The following DGKB variants were observed in gnomAD, a reference collection of about 807,000 sequenced individuals.
The protein encoded by DGKB is 90 kDa diacylglycerol kinase.
DGKB carries 67 observed loss-of-function variants against 114.3 expected under a neutral mutation model. That is an observed-to-expected ratio of 0.59 (90% CI 0.48 to 0.72). The LOEUF is 0.72. Among genes scored for constraint, DGKB ranks in the 30% least tolerant of loss-of-function variants. DGKB has a pLI of 0.00. For synonymous variants in DGKB, 398 were observed against 323.1 expected (o/e 1.23, Z -2.49); for missense variants, 907 against 975.2 (o/e 0.93, Z 0.93).
chr7:14,764,934 A>C (rs1292270382), intron 2 of DGKB, among the ~76,000 whole-genome samples: 2 of 151,988 alleles, frequency 1.3e-5, no homozygotes, highest in African/African-American at 2.4e-5. Context: ...CCAGCAGCAG[A>C]AAATAAATAC....
At chr7:14,826,105 C>T (rs1845678013) in intron 2 of DGKB, among the ~76,000 whole-genome samples, 1 of 152,164 alleles carries the variant, frequency 6.6e-6, no homozygotes, top group Admixed American at 6.6e-5. Context: ...GTTAAACTTG[C>T]AGTGAAAGTG....
At chr7:14,165,670 G>A (rs906726622) in intron 25 of DGKB, among the ~76,000 whole-genome samples, 1 of 152,140 alleles carries the variant, frequency 6.6e-6, no homozygotes, top group Non-Finnish European at 1.5e-5. Context: ...TATATATTAT[G>A]TGAAGTGCTC....
intron 1 of DGKB, among the ~76,000 whole-genome samples, chr7:14,949,499 G>T (rs1028353255): frequency 1.3e-5 from 2 of 151,948 alleles, no homozygotes; most frequent in Admixed American, 6.6e-5. Flanking sequence ...ATTAACACAT[G>T]CTCAGAGAAA....
At chr7:14,170,284 T>A (rs1427845275) in intron 25 of DGKB, among the ~76,000 whole-genome samples, 4 of 152,202 alleles carry the variant, frequency 2.6e-5, no homozygotes, top group African/African-American at 9.6e-5. Flanking sequence ...GGCCTATTTC[T>A]GCCTTTTGCT....
intron 23 of DGKB, among the ~76,000 whole-genome samples, chr7:14,238,971 CTT>C (rs1020331418): frequency 1.3e-5 from 2 of 151,936 alleles, no homozygotes; most frequent in Non-Finnish European, 2.9e-5. Flanking sequence ...TGAAGAAGGA[CTT>C]TGTTTTGTCA....
At chr7:14,272,433 A>G (rs749923043) in intron 23 of DGKB, among the ~76,000 whole-genome samples, 28 of 152,226 alleles carry the variant, frequency 1.8e-4, no homozygotes, top group Non-Finnish European at 7.3e-5. Context: ...GCATTTTATA[A>G]ATCTTTATAG....
chr7:14,714,562 G>A (rs760526813), intron 6 of DGKB, among the ~76,000 whole-genome samples: 25 of 152,052 alleles, frequency 1.6e-4, no homozygotes, highest in Non-Finnish European at 3.2e-4. Context: ...TAAGATGAAA[G>A]GAAGTTGCAA....
chr7:14,367,704 G>A (rs1180405228), intron 21 of DGKB, among the ~76,000 whole-genome samples: 1 of 152,024 alleles, frequency 6.6e-6, no homozygotes, highest in Non-Finnish European at 1.5e-5. Context: ...AAAGGAAAGA[G>A]GTTTAATGGA....
chr7:14,683,930 C>T (rs1821253124), intron 10 of DGKB, among the ~76,000 whole-genome samples: 1 of 152,098 alleles, frequency 6.6e-6, no homozygotes, highest in African/African-American at 2.4e-5. Context: ...TATAATATCA[C>T]TCATCTTATT....
At chr7:14,157,332 G>C (rs938835510) in intron 25 of DGKB, among the ~76,000 whole-genome samples, 2 of 150,438 alleles carry the variant, frequency 1.3e-5, no homozygotes, top group African/African-American at 4.9e-5. Context: ...TGCCAAAAAA[G>C]CAAAGCAATG....
intron 23 of DGKB, among the ~76,000 whole-genome samples, chr7:14,279,078 G>A (rs1477258390): frequency 6.6e-6 from 1 of 152,220 alleles, no homozygotes; most frequent in Non-Finnish European, 1.5e-5. Flanking sequence ...GGAAGCGCAA[G>A]GGGTCAGGGA....
intron 6 of DGKB, among the ~76,000 whole-genome samples, chr7:14,709,730 A>G (rs1827000145): frequency 6.9e-6 from 1 of 145,134 alleles, no homozygotes; most frequent in Admixed American, 7.1e-5. Flanking sequence ...AAAACCAAAC[A>G]CCGCATATTC....
chr7:14,779,739 C>A (rs1287154497), intron 2 of DGKB, among the ~76,000 whole-genome samples: 1 of 152,138 alleles, frequency 6.6e-6, no homozygotes, highest in Non-Finnish European at 1.5e-5. Flanking sequence ...ATACATCCAA[C>A]ATACACAGAG....
At chr7:14,188,211 C>T (rs1783733648) in intron 23 of DGKB, among the ~76,000 whole-genome samples, 2 of 152,216 alleles carry the variant, frequency 1.3e-5, no homozygotes, top group Middle Eastern at 6.8e-3. Flanking sequence ...GCCTACAGGA[C>T]TTATGGGACA....
At chr7:14,689,196 C>CTTTTTTTTTTTTTTTTTTTTTTTTTTT (rs1554599070) in intron 9 of DGKB, among the ~76,000 whole-genome samples, 1 of 80,304 alleles carries the variant, frequency 1.2e-5, no homozygotes, top group African/African-American at 4.9e-5. Context: ...AGAAACTCCT[C>CTTTTTTTTTTTTTTTTTTTTTTTTTTT]TTATTTTTTT....
chr7:14,574,331 C>T lies in DGKB; in HGVS notation c.1651G>A (p.Glu551Lys), dbSNP rs1463980948. The T allele has an allele frequency of 6.2e-7, 1 of 1,612,820 alleles. No individual in the cohort carries two copies. The highest frequency in any genetic ancestry group is 1.7e-5 in the Admixed American group (1 of 59,958). ...TCCAACATGATTTCTGTGCTGTTTTCAATGTCTTTTAGAATTTTCATCAGA... is the reference window on the plus strand; with the variant it reads ...TCCAACATGATTTCTGTGCTGTTTTTAATGTCTTTTAGAATTTTCATCAGA... ...ENLMKILKDI[E>K]NSTEIMLDRW... Residue 551 changes from glutamate (E) to lysine (K), a missense_variant, in exon 20 of 26, where the codon GAA becomes AAA. Glu to Lys is a moderately conservative substitution (Grantham distance 56, BLOSUM62 1). Transcript: ENST00000402815.
upstream of DGKB, among the ~76,000 whole-genome samples, chr7:14,907,076 C>A (rs532130039): frequency 1.8e-4 from 28 of 152,154 alleles, no homozygotes; most frequent in Non-Finnish European, 2.6e-4. Flanking sequence ...CATACGGGAG[C>A]TTTTCCACTG....
At chr7:14,417,645 T>G (rs1337848249) in intron 21 of DGKB, among the ~76,000 whole-genome samples, 1 of 151,958 alleles carries the variant, frequency 6.6e-6, no homozygotes, top group Non-Finnish European at 1.5e-5. Context: ...GGTTAAGTTT[T>G]TGCATGGACA....
intron 20 of DGKB, among the ~76,000 whole-genome samples, chr7:14,487,262 T>C (rs1372780878): frequency 6.6e-6 from 1 of 152,206 alleles, no homozygotes; most frequent in Non-Finnish European, 1.5e-5. Context: ...CCTAGCAGTT[T>C]CCTCCGGTTT....
Sources: gnomAD v4.1 joint callset for allele counts (sites outside exome capture counted in the v4.1 genomes callset) on GRCh38, gnomAD v4.1.1 for gene constraint, MANE v1.5 for transcripts, NCBI Gene and HGNC (gene_info 2026-07-23, HGNC 2026-07-21) for gene names.